The following APP variants were observed in gnomAD, a reference collection of about 807,000 sequenced individuals.
APP encodes the protein amyloid-beta precursor protein.
APP carries 31 observed loss-of-function variants against 101.4 expected under a neutral mutation model. That is an observed-to-expected ratio of 0.31 (90% CI 0.23 to 0.41). The LOEUF (loss-of-function observed/expected upper bound fraction) is 0.41. Among genes scored for constraint, APP ranks in the 10% least tolerant of loss-of-function variants. The pLI, the probability that APP is intolerant of heterozygous loss-of-function variation, is 1.00. For missense variants in APP, 839 were observed against 1,003.7 expected (o/e 0.84, Z 2.22); for synonymous variants, 366 against 364.4 (o/e 1.00, Z -0.05).
At chr21:26,091,423 G>T (rs1327226601) in intron 2 of APP, among the ~76,000 whole-genome samples, 1 of 152,126 alleles carries the variant, frequency 6.6e-6, no homozygotes, top group Non-Finnish European at 1.5e-5. Flanking sequence ...TCATTGCAAG[G>T]AGTATAATAT....
At chr21:25,887,318 G>A (rs1249464056) in intron 17 of APP, among the ~76,000 whole-genome samples, 2 of 152,128 alleles carry the variant, frequency 1.3e-5, no homozygotes, top group African/African-American at 4.8e-5. Context: ...CTAGTGCTGA[G>A]ATTTCCAGCC....
At chr21:25,980,811 G>A (rs890395758) in intron 9 of APP, among the ~76,000 whole-genome samples, 1 of 152,158 alleles carries the variant, frequency 6.6e-6, no homozygotes, top group Non-Finnish European at 1.5e-5. Context: ...TCATGGAAAA[G>A]ACAGTTTGTT....
chr21:26,034,363 G>A (rs1024859789), intron 5 of APP, among the ~76,000 whole-genome samples: 4 of 152,144 alleles, frequency 2.6e-5, no homozygotes, highest in Non-Finnish European at 4.4e-5. Context: ...ATCTACTATC[G>A]GCCAGGCACG....
At chr21:25,963,835 G>A (rs2041682892) in intron 11 of APP, among the ~76,000 whole-genome samples, 1 of 152,112 alleles carries the variant, frequency 6.6e-6, no homozygotes, top group Admixed American at 6.5e-5. Context: ...AATTTTTAAA[G>A]TCTCCTGCAA....
chr21:26,025,657 A>G (rs1040459577), intron 5 of APP, among the ~76,000 whole-genome samples: 1 of 152,224 alleles, frequency 6.6e-6, no homozygotes, highest in Non-Finnish European at 1.5e-5. Context: ...GTATGTGTCT[A>G]GCCGTGAAAA....
intron 6 of APP, among the ~76,000 whole-genome samples, chr21:26,019,850 C>G (rs1004556454): frequency 6.6e-6 from 1 of 152,192 alleles, no homozygotes; most frequent in Non-Finnish European, 1.5e-5. Context: ...TTCATTTGAC[C>G]AGATCTGCCA....
At chr21:25,948,594 G>A (rs2040933421) in intron 13 of APP, among the ~76,000 whole-genome samples, 1 of 152,094 alleles carries the variant, frequency 6.6e-6, no homozygotes, top group African/African-American at 2.4e-5. Flanking sequence ...AAATGGGTAT[G>A]AAACAATTAT....
chr21:26,087,004 A>G (rs923943503), intron 3 of APP, among the ~76,000 whole-genome samples: 16 of 152,216 alleles, frequency 1.1e-4, no homozygotes, highest in African/African-American at 3.6e-4. Context: ...CTGCCTGTCT[A>G]TTAAGTGCAA....
chr21:25,987,340 A>G (rs1001756609), intron 8 of APP, among the ~76,000 whole-genome samples: 3 of 152,160 alleles, frequency 2.0e-5, no homozygotes, highest in African/African-American at 7.2e-5. Flanking sequence ...ACAAAAACCT[A>G]GACTTAAAAC....
intron 17 of APP, among the ~76,000 whole-genome samples, chr21:25,882,892 T>C (rs2037081177): frequency 6.6e-6 from 1 of 152,104 alleles, no homozygotes; most frequent in Admixed American, 6.6e-5. Context: ...CATTCCCCCT[T>C]GTTGAGTGTT....
chr21:26,011,669 C>A (rs1046220437), intron 6 of APP, among the ~76,000 whole-genome samples: 1 of 152,136 alleles, frequency 6.6e-6, no homozygotes, highest in Non-Finnish European at 1.5e-5. Context: ...ATTTTAGTAA[C>A]TTTGCCCACC....
intron 13 of APP, among the ~76,000 whole-genome samples, chr21:25,916,952 C>A (rs1273479822): frequency 2.6e-5 from 4 of 152,128 alleles, no homozygotes; most frequent in Non-Finnish European, 4.4e-5. Context: ...TGAACCCCAT[C>A]ACCTTGCTCT....
chr21:25,967,818 G>A (rs916270791), intron 11 of APP, among the ~76,000 whole-genome samples: 1 of 152,222 alleles, frequency 6.6e-6, no homozygotes, highest in African/African-American at 2.4e-5. Flanking sequence ...GTGCATGACT[G>A]TAGAGGGCAG....
chr21:25,884,193 G>A (rs192446883), intron 17 of APP, among the ~76,000 whole-genome samples: 30 of 152,264 alleles, frequency 2.0e-4, no homozygotes, highest in Non-Finnish European at 3.5e-4. Context: ...CGATTCTTAC[G>A]TTTCCATTTA....
chr21:26,133,837 G>C (rs529931540), intron 1 of APP, among the ~76,000 whole-genome samples: 79 of 152,254 alleles, frequency 5.2e-4, no homozygotes, highest in African/African-American at 1.8e-3. Flanking sequence ...AAACCAATCA[G>C]AACCAATATA....
intron 2 of APP, among the ~76,000 whole-genome samples, chr21:26,095,283 A>AT (rs1480118966): frequency 2.6e-5 from 4 of 152,240 alleles, no homozygotes; most frequent in African/African-American, 9.6e-5. Context: ...CCAGCCAACA[A>AT]TAAGTTTTAA....
intron 11 of APP, among the ~76,000 whole-genome samples, chr21:25,969,942 G>GA (rs2041963142): frequency 4.3e-5 from 1 of 23,344 alleles, no homozygotes; most frequent in African/African-American, 2.2e-4. Flanking sequence ...GAAAGGAAAG[G>GA]AAGGGAAGAA....
chr21:26,031,385 G>GA (rs1255233283), intron 5 of APP, among the ~76,000 whole-genome samples: 1 of 152,074 alleles, frequency 6.6e-6, no homozygotes, highest in South Asian at 2.1e-4. Context: ...TCTTTTTTGG[G>GA]AAAAAATAAT....
At position 26,121,394 on chromosome 21, in the gene APP, CT is replaced by C. The variant is rs147930861; in HGVS notation, c.58-9249del. Among the ~76,000 whole-genome samples, 292 of 149,014 alleles carry C rather than the reference CT, an allele frequency of 2.0e-3. 2 individuals carry two copies. The highest frequency in any genetic ancestry group is 6.8e-3 in the African/African-American group (276 of 40,822). On this transcript the variant is annotated intron_variant, in intron 1 of 17. Coordinates refer to ENST00000346798, the MANE Select transcript of APP (RefSeq NM_000484.4). The stretch of plus-strand genomic sequence containing the variant: ...CTGGCAGTTATACACAGATCCTCAT[CT>C]TTTTTTTTTGGAGACGGAGTCTCAC...
Sources: allele counts gnomAD v4.1 joint callset (sites outside exome capture counted in the v4.1 genomes callset), GRCh38; gene constraint gnomAD v4.1.1; transcripts MANE v1.5; gene names NCBI Gene and HGNC (gene_info 2026-07-23, HGNC 2026-07-21).